Variants in PHYHIP observed in about 807,000 individuals in gnomAD.
PHYHIP encodes phytanoyl-CoA hydroxylase-interacting protein.
A neutral mutation model predicts 26.1 loss-of-function variants in PHYHIP; 7 were observed. The observed-to-expected ratio is 0.27, with a 90% CI of 0.15 to 0.50. The LOEUF (loss-of-function observed/expected upper bound fraction) is 0.50, where lower values mean the gene tolerates loss of function less well. PHYHIP is among the 20% of genes least tolerant of loss of function. The probability of loss-of-function intolerance (pLI) is 0.98; values close to 1 mark genes in which losing one functional copy is unlikely to be tolerated. For missense variants in PHYHIP, 232 were observed against 454.7 expected, an observed-to-expected ratio of 0.51 and a Z score of 4.45; for synonymous variants, 206 against 183.4, an observed-to-expected ratio of 1.12 and a Z score of -1.00.
chr8:22,227,506 G>GC (rs1190739249), intron 2 of PHYHIP: 1 of 413,200 alleles, frequency 2.4e-6, no homozygotes, highest in African/African-American at 2.0e-5. Flanking sequence ...GAGAAAGAGA[G>GC]CGGGTGAGTA....
chr8:22,220,586 T>G lies in PHYHIP; in HGVS notation c.*767A>C, dbSNP rs1376280017. On this transcript the variant is annotated 3_prime_UTR_variant, in exon 5 of 5. Coordinates refer to ENST00000454243, the MANE Select transcript of PHYHIP (RefSeq NM_014759.5). ...CCTCCCCCTCCTCAACCCCAGTGGC[T>G]GCTGTCTCAGACCCCTGCACTCTAA... 1 of 152,418 alleles carries G rather than the reference T, an allele frequency of 6.6e-6. No individual in the cohort carries two copies. The highest frequency in any genetic ancestry group is 1.5e-5 in the Non-Finnish European group (1 of 68,232). The allele number at this position is 152,418 out of a possible 1,614,324, so 9.4% of individuals were successfully genotyped here.
intron 1 of PHYHIP, among the ~76,000 whole-genome samples, chr8:22,230,305 C>G (rs1020555676): frequency 3.3e-5 from 5 of 151,968 alleles, no homozygotes; most frequent in African/African-American, 1.2e-4. Flanking sequence ...ACACTCGTCC[C>G]ATGAGTAGGC....
intron 2 of PHYHIP, chr8:22,227,660 C>A: frequency 2.2e-6 from 1 of 456,376 alleles, no homozygotes; most frequent in Non-Finnish European, 4.4e-6. Flanking sequence ...ACGGAGGACT[C>A]TCTCCCATTC....
intron 1 of PHYHIP, 153 bp from the exon 2 acceptor site, chr8:22,228,539 T>G: frequency 1.8e-6 from 1 of 559,360 alleles, no homozygotes; most frequent in Non-Finnish European, 3.2e-6. Context: ...CAGGGGAGGC[T>G]GGAGAAGGAT....
In PHYHIP at chr8:22,232,041, G is replaced by A. The variant is rs1321310821; in HGVS notation, c.-275C>T. The stretch of plus-strand genomic sequence containing the variant: ...TGTTCCCAGCTGAGCAGCGCAAGAA[G>A]AGAGGCAAGAGCGAAATCAAAGCAG... On this transcript the variant is annotated 5_prime_UTR_variant, in exon 1 of 5. Transcript: ENST00000454243. 2 of 153,698 alleles carry A rather than the reference G, an allele frequency of 1.3e-5. No homozygotes were observed. Among genetic ancestry groups the A allele is most frequent in the Non-Finnish European group, 2.9e-5 (2 of 68,132 alleles). The allele number at this position is 153,698 out of a possible 1,614,324, so 9.5% of individuals were successfully genotyped here. A position where few individuals can be genotyped will look rare whatever the true frequency, so the allele number is the denominator to read the frequency against.
intron 1 of PHYHIP, among the ~76,000 whole-genome samples, chr8:22,229,452 G>C (rs547910402): frequency 1.3e-5 from 2 of 151,936 alleles, no homozygotes; most frequent in Admixed American, 1.3e-4. Flanking sequence ...TCTGCTGCTC[G>C]TCCAGGTATG....
intron 3 of PHYHIP, among the ~76,000 whole-genome samples, chr8:22,226,488 A>G (rs1408176823): frequency 6.6e-6 from 1 of 152,134 alleles, no homozygotes. Context: ...ATACCACTGA[A>G]CTGTACACTT....
At chr8:22,224,401 T>C in intron 3 of PHYHIP, 58 bp from the exon 4 acceptor site, 1 of 961,508 alleles carries the variant, frequency 1.0e-6, no homozygotes, top group Non-Finnish European at 1.7e-6. Context: ...CACAAACACC[T>C]CCTGTCCCCA....
At chr8:22,226,794 C>T (rs1829754866) in intron 3 of PHYHIP, 57 bp downstream of exon 3, 4 of 1,514,540 alleles carry the variant, frequency 2.6e-6, no homozygotes, top group Non-Finnish European at 3.6e-6. Flanking sequence ...CCGCCTTGAC[C>T]ACAGCAAAGC....
At chr8:22,222,131 T>A (rs1829643148) in intron 4 of PHYHIP, among the ~76,000 whole-genome samples, 1 of 152,006 alleles carries the variant, frequency 6.6e-6, no homozygotes, top group African/African-American at 2.4e-5. Context: ...ACTCCCCAGC[T>A]TGAAACCCTT....
Position 22,230,689 on chromosome 8 carries a change from G to A in PHYHIP, c.-30+1107C>T, listed in dbSNP as rs117706881. ...GCGCCAAGAGTGCCCACCCACCCGC[G>A]TCCCACACCTCCGCAGATGTCCTCA... On this transcript the variant is annotated intron_variant, in intron 1 of 4. Transcript: ENST00000454243. Among the ~76,000 whole-genome samples, 778 of 151,874 alleles carry A rather than the reference G, an allele frequency of 5.1e-3. 4 individuals carry two copies. Among genetic ancestry groups the A allele is most frequent in the Middle Eastern group, 0.02 (6 of 294 alleles).
intron 3 of PHYHIP, among the ~76,000 whole-genome samples, chr8:22,225,513 G>C (rs1829724569): frequency 6.6e-6 from 1 of 151,910 alleles, no homozygotes; most frequent in Admixed American, 6.6e-5. Context: ...AAATGAAAAA[G>C]GCCAGGGATG....
intron 3 of PHYHIP, among the ~76,000 whole-genome samples, chr8:22,225,909 G>A (rs1375127580): frequency 1.3e-5 from 2 of 152,144 alleles, no homozygotes; most frequent in Non-Finnish European, 2.9e-5. Context: ...GCAAAGGATA[G>A]AGCCAGCAGC....
intron 1 of PHYHIP, 57 bp from the exon 2 acceptor site, chr8:22,228,443 G>T: frequency 2.0e-6 from 2 of 995,302 alleles, no homozygotes; most frequent in Non-Finnish European, 3.0e-6. Flanking sequence ...TTTCTGGAAT[G>T]TCCTCCTCCC....
rs974808736 is a variant in PHYHIP at position 22,227,002 on chromosome 8, G to C, written c.189C>G (p.Ala63=). The C allele has an allele frequency of 1.2e-6, 2 of 1,612,814 alleles. No individual in the cohort carries two copies. The highest frequency in any genetic ancestry group is 2.7e-5 in the African/African-American group (2 of 74,932). ...KHRDVPTKLV[A]KAVPLPMTVR... is the part of the protein sequence containing the mutation. ...CCGTCATGGGCAGCGGCACTGCCTT[G>C]GCCACGAGCTTGGTGGGGACGTCCT... is the stretch of plus-strand genomic sequence containing the variant. Residue 63 remains alanine, a synonymous_variant, in exon 3 of 5, where the codon GCC becomes GCG. Coordinates refer to ENST00000454243, the MANE Select transcript of PHYHIP (RefSeq NM_014759.5).
chr8:22,231,463 G>T (rs913841295), intron 1 of PHYHIP, among the ~76,000 whole-genome samples: 1 of 152,128 alleles, frequency 6.6e-6, no homozygotes, highest in Non-Finnish European at 1.5e-5. Context: ...TCGCGAGCGC[G>T]CACACACACA....
rs138718567 is a variant in PHYHIP, at chr8:22,221,069, T to C, written c.*284A>G. On this transcript the variant is annotated 3_prime_UTR_variant, in exon 5 of 5. Coordinates refer to ENST00000454243, the MANE Select transcript of PHYHIP (RefSeq NM_014759.5). The surrounding 1 kb of genome is among the most constrained non-coding windows in gnomAD (Gnocchi z 7.9). ...GAGACCTGGACGAGGCAAAGAACAG[T>C]AGGACAAGGAAACCAGAGGAAAGGG... is the stretch of plus-strand genomic sequence containing the variant. 1 of 413,760 alleles carries C rather than the reference T, an allele frequency of 2.4e-6. No individual in the cohort carries two copies. The highest frequency in any genetic ancestry group is 6.6e-4 in the Middle Eastern group (1 of 1,518). The allele number at this position is 413,760 out of a possible 1,614,324, so 25.6% of individuals were successfully genotyped here.
intron 1 of PHYHIP, among the ~76,000 whole-genome samples, chr8:22,230,301 G>A (rs890783197): frequency 6.6e-6 from 1 of 151,858 alleles, no homozygotes; most frequent in Non-Finnish European, 1.5e-5. Flanking sequence ...GCCCACACTC[G>A]TCCCATGAGT....
In PHYHIP at chr8:22,231,964, G is replaced by A. The variant is rs11547658; in HGVS notation, c.-198C>T. 0.25 allele frequency: 38,761 copies of A among 152,552 alleles called. 6,240 individuals are homozygous for A. Among genetic ancestry groups the A allele is most frequent in the East Asian group, 0.51 (2,660 of 5,172 alleles). The allele number at this position is 152,552 out of a possible 1,614,324, so 9.4% of individuals were successfully genotyped here. A position where few individuals can be genotyped will look rare whatever the true frequency, so the allele number is the denominator to read the frequency against. On this transcript the variant is annotated 5_prime_UTR_variant, in exon 1 of 5. Transcript: ENST00000454243. The stretch of plus-strand genomic sequence containing the variant: ...AAGGAGGCTGCTTCCATGCCCCGCA[G>A]CCAGCTCCTGTCTGGCTGTGCAGCG...
Sources: gnomAD v4.1 joint callset for allele counts (sites outside exome capture counted in the v4.1 genomes callset) on GRCh38, gnomAD v4.1.1 for gene constraint, Gnocchi (gnomAD v3.1) non-coding constraint, MANE v1.5 for transcripts, NCBI Gene and HGNC (gene_info 2026-07-23, HGNC 2026-07-21) for gene names.